Variants in PKN2 observed in about 807,000 individuals in gnomAD.
PKN2 encodes protein kinase N2.
A neutral mutation model predicts 119.1 loss-of-function variants in PKN2; 38 were observed. That is an observed-to-expected ratio of 0.32 (90% confidence interval 0.25 to 0.42). PKN2 has a LOEUF of 0.42. PKN2 is among the 10% of genes least tolerant of loss of function. PKN2 has a pLI of 1.00. For missense variants in PKN2, 850 were observed against 1,165.1 expected, an observed-to-expected ratio of 0.73 and a Z score of 3.94; for synonymous variants, 390 against 384.9, an observed-to-expected ratio of 1.01 and a Z score of -0.15.
intron 1 of PKN2, among the ~76,000 whole-genome samples, chr1:88,700,623 C>T (rs189278845): frequency 7.5e-4 from 114 of 152,324 alleles, no homozygotes; most frequent in Non-Finnish European, 1.3e-3. Flanking sequence ...AATCACGTTA[C>T]GGCTGTCCAT....
intron 11 of PKN2, 98 bp downstream of exon 11, chr1:88,805,769 A>G (rs1230663761): frequency 1.3e-6 from 2 of 1,599,994 alleles, no homozygotes; most frequent in East Asian, 2.3e-5. Context: ...TTTTTTCCCA[A>G]GTAGTATTTT....
At chr1:88,766,407 G>A (rs1669670500) in intron 3 of PKN2, among the ~76,000 whole-genome samples, 1 of 152,124 alleles carries the variant, frequency 6.6e-6, no homozygotes, top group Non-Finnish European at 1.5e-5. Context: ...GTAATGTGTT[G>A]TAATGTCCCA....
chr1:88,804,794 G>C (rs949514510), intron 9 of PKN2, 52 bp from the exon 10 acceptor site: 1 of 1,005,424 alleles, frequency 9.9e-7, no homozygotes. Context: ...AAATTTAGTA[G>C]ATTTCATGAA....
At chr1:88,798,669 G>C (rs1264515268) in intron 8 of PKN2, among the ~76,000 whole-genome samples, 1 of 152,158 alleles carries the variant, frequency 6.6e-6, no homozygotes, top group Non-Finnish European at 1.5e-5. Context: ...AAGATTAAGA[G>C]ACATGAAGGA....
At chr1:88,831,151 T>C (rs1672714114) in intron 19 of PKN2, among the ~76,000 whole-genome samples, 1 of 151,966 alleles carries the variant, frequency 6.6e-6, no homozygotes, top group Non-Finnish European at 1.5e-5. Flanking sequence ...ACTGTCAGTG[T>C]TGACATCTGA....
At chr1:88,797,072 G>A (rs1179130864) in intron 8 of PKN2, among the ~76,000 whole-genome samples, 6 of 152,100 alleles carry the variant, frequency 3.9e-5, no homozygotes, top group African/African-American at 1.4e-4. Flanking sequence ...AGTGGCTCAC[G>A]CCTGTAATCC....
At chr1:88,717,466 T>C (rs1270143213) in intron 1 of PKN2, among the ~76,000 whole-genome samples, 11 of 152,018 alleles carry the variant, frequency 7.2e-5, no homozygotes, top group African/African-American at 2.7e-4. Context: ...TCACATAGTC[T>C]CATATTTCTT....
At chr1:88,807,837 A>G in intron 15 of PKN2, 62 bp downstream of exon 15, 1 of 936,486 alleles carries the variant, frequency 1.1e-6, no homozygotes, top group Non-Finnish European at 1.7e-6. Context: ...GAAATGATAT[A>G]TGTATTACAA....
intron 1 of PKN2, among the ~76,000 whole-genome samples, chr1:88,705,214 C>T (rs1221536791): frequency 6.6e-6 from 1 of 151,488 alleles, no homozygotes; most frequent in Non-Finnish European, 1.5e-5. Context: ...TTTTCTTTTG[C>T]ACACTGTGTT....
In PKN2 at chr1:88,689,060, A is replaced by G. The variant is rs556486336; in HGVS notation, c.48+4432A>G. Among the ~76,000 whole-genome samples the G allele has an allele frequency of 4.6e-5, 7 of 152,334 alleles. No homozygotes were observed. In the South Asian group the frequency reaches 1.4e-3, roughly 32 times the overall value. On this transcript the variant is annotated intron_variant, in intron 1 of 21. Transcript: ENST00000370521. The stretch of plus-strand genomic sequence containing the variant: ...ATGAGAAGACGGCATCTAATTTTGC[A>G]GTGACACTGGAAAGTGGAAGGTCTG...
chr1:88,767,766 T>G (rs1403535478), intron 3 of PKN2, among the ~76,000 whole-genome samples: 1 of 152,210 alleles, frequency 6.6e-6, no homozygotes, highest in East Asian at 1.9e-4. Flanking sequence ...TTCATAAATA[T>G]GCAATTATTT....
At chr1:88,829,323 TC>T in intron 19 of PKN2, 2 of 574,230 alleles carry the variant, frequency 3.5e-6, no homozygotes, top group Non-Finnish European at 6.6e-6. Context: ...TCAAAAGTAT[TC>T]GCTACACCAA....
At chr1:88,775,794 G>A (rs925760212) in intron 6 of PKN2, among the ~76,000 whole-genome samples, 7 of 152,146 alleles carry the variant, frequency 4.6e-5, no homozygotes, top group Non-Finnish European at 1.0e-4. Flanking sequence ...AAAAAGAAGA[G>A]TTACTTAAAA....
At chr1:88,747,773 A>G (rs536249694) in intron 2 of PKN2, among the ~76,000 whole-genome samples, 1 of 152,198 alleles carries the variant, frequency 6.6e-6, no homozygotes, top group South Asian at 2.1e-4. Flanking sequence ...AATATTTGAA[A>G]TATTCAGAAG....
intron 1 of PKN2, among the ~76,000 whole-genome samples, chr1:88,697,488 T>C (rs1486133434): frequency 6.6e-6 from 1 of 152,196 alleles, no homozygotes; most frequent in Non-Finnish European, 1.5e-5. Flanking sequence ...ACTTTGCCAT[T>C]GTTTAAGTGT....
In PKN2 at chr1:88,833,114, G is replaced by A. The variant is rs1352735528; in HGVS notation, c.2708G>A (p.Ser903Asn). 18 of 1,612,922 alleles carry A rather than the reference G, an allele frequency of 1.1e-5. No individual in the cohort carries two copies. In the Admixed American group the frequency reaches 2.5e-4, roughly 22 times the overall value. ...AATCCTGAACGGCGCCTTGGGGCTA[G>A]CGAGAAAGATGCAGAGGATGTAAAA... ...RRNPERRLGA[S>N]EKDAEDVKKH... is the part of the protein sequence containing the mutation. Residue 903 changes from serine (S) to asparagine (N), a missense_variant, in exon 21 of 22, where the codon AGC (serine) becomes AAC (asparagine). Coordinates refer to ENST00000370521, the MANE Select transcript of PKN2 (RefSeq NM_006256.4).
chr1:88,759,638 T>C (rs12562737), intron 2 of PKN2, among the ~76,000 whole-genome samples: 5 of 152,206 alleles, frequency 3.3e-5, no homozygotes, highest in Admixed American at 3.3e-4. Context: ...GTTTACTCTG[T>C]TGATAGTTTC....
rs150931192 is a variant in PKN2 at position 88,730,450 on chromosome 1, C to T, written c.49-10538C>T. ...ATTGGGTTTTGTCCTGTTTGTTCCT[C>T]GTTACAAGATGACTGCTGTACTTTC... On this transcript the variant is annotated intron_variant, in intron 1 of 21. Coordinates refer to ENST00000370521, the MANE Select transcript of PKN2 (RefSeq NM_006256.4). Among the ~76,000 whole-genome samples, 90 of 152,280 alleles carry T rather than the reference C, an allele frequency of 5.9e-4. 4 individuals carry two copies. In the East Asian group the frequency reaches 0.017, roughly 29 times the overall value.
intron 1 of PKN2, among the ~76,000 whole-genome samples, chr1:88,717,418 A>G (rs1351210847): frequency 6.6e-6 from 1 of 151,968 alleles, no homozygotes; most frequent in Non-Finnish European, 1.5e-5. Context: ...TCTCCCCATC[A>G]CTTTCAGGTA....
Sources: allele counts gnomAD v4.1 joint callset (sites outside exome capture counted in the v4.1 genomes callset), GRCh38; gene constraint gnomAD v4.1.1; transcripts MANE v1.5; gene names NCBI Gene and HGNC (gene_info 2026-07-23, HGNC 2026-07-21).